ZNF473: variants seen among roughly 807,000 people sequenced by gnomAD.
ZNF473 encodes zinc finger protein 100 homolog.
ZNF473 carries 4 observed loss-of-function variants against 11.1 expected under a neutral mutation model. The ratio of observed to expected loss-of-function variants is 0.36; its 90% confidence interval spans 0.18 to 0.82. The LOEUF (loss-of-function observed/expected upper bound fraction) is 0.82, where lower values mean the gene tolerates loss of function less well. Among genes scored for constraint, ZNF473 ranks in the 40% least tolerant of loss-of-function variants. The pLI, the probability that ZNF473 is intolerant of heterozygous loss-of-function variation, is 0.49. For missense variants in ZNF473, 854 were observed against 1,084.0 expected (o/e 0.79, Z 2.98); for synonymous variants, 404 against 390.4 (o/e 1.03, Z -0.41).
intron 2 of ZNF473, among the ~76,000 whole-genome samples, chr19:50,031,434 G>C (rs1002394406): frequency 1.2e-4 from 18 of 152,162 alleles, no homozygotes; most frequent in African/African-American, 4.3e-4. Flanking sequence ...ACTCCCTTTG[G>C]CCTAGTAGTA....
chr19:50,039,103 C>G lies in ZNF473; in HGVS notation c.10-58C>G. ...GAGGGCTGGGAGTGCCCTGAGTGAG[C>G]TGTTGGGCTCCTCCCTGACCCCAGC... On this transcript the variant is annotated intron_variant, in intron 2 of 4. Transcript: ENST00000270617. This position sits in a 1 kb window ranked among gnomAD's most constrained non-coding sequence, Gnocchi z 4.8. The G allele has an allele frequency of 6.2e-7, 1 of 1,601,908 alleles. No homozygotes were observed. The highest frequency in any genetic ancestry group is 1.7e-5 in the Admixed American group (1 of 59,652).
Position 50,044,737 on chromosome 19 carries a change from T to G in ZNF473, c.294T>G (p.Ile98Met). The G allele has an allele frequency of 6.2e-7, 1 of 1,614,136 alleles. No individual in the cohort carries two copies. Among genetic ancestry groups the G allele is most frequent in the Non-Finnish European group, 8.5e-7 (1 of 1,180,006 alleles). Residue 98 changes from isoleucine to methionine, a missense_variant, in exon 5 of 5, where the codon ATT becomes ATG. Physicochemically the swap from Ile to Met is conservative, Grantham distance 10. This residue lies in a region of ZNF473 where 668 missense variants were observed against 790.2 expected (regional missense o/e 0.85). Transcript: ENST00000270617. Reference protein sequence around the residue: ...DFFEEGFSQEIIEMLSKDGFW... With the variant: ...DFFEEGFSQEMIEMLSKDGFW... The stretch of plus-strand genomic sequence containing the variant: ...TCGAAGAAGGATTCTCCCAGGAGAT[T>G]ATAGAGATGTTATCCAAGGATGGCT...
At chr19:50,040,535 C>T (rs1263894340) in intron 3 of ZNF473, 2 of 152,334 alleles carry the variant, frequency 1.3e-5, no homozygotes, top group Non-Finnish European at 2.9e-5. Context: ...TGCCAGCAGG[C>T]TTTTCCCAGG....
Position 50,046,999 on chromosome 19 carries a change from G to A in ZNF473, c.2556G>A (p.Arg852=), listed in dbSNP as rs545187028. 6.2e-6 allele frequency: 10 copies of A among 1,613,950 alleles called. No homozygotes were observed. In the African/African-American group the frequency reaches 1.1e-4, roughly 17 times the overall value. The change falls in exon 5 of 5, where the codon CGG becomes CGA. Residue 852 remains arginine (R), a synonymous_variant. Transcript: ENST00000270617. This position sits in a 1 kb window ranked among gnomAD's most constrained non-coding sequence, Gnocchi z 5.9. ...GTCAACGTTGCCAGAAAGCCTTTCG[G>A]TGCCACTCGAGCCTCAGCCGCCATC... ...YQCQRCQKAF[R]CHSSLSRHQR...
chr19:50,040,194 A>G (rs1036497702), intron 3 of ZNF473, among the ~76,000 whole-genome samples: 18 of 152,300 alleles, frequency 1.2e-4, no homozygotes, highest in South Asian at 4.1e-4. Flanking sequence ...CAGCAAAGGG[A>G]GGAGGTACAT....
chr19:50,035,491 T>TGTGTGTGTGTGTGTGTGTG (rs1600754167), intron 2 of ZNF473, among the ~76,000 whole-genome samples: 1 of 51,224 alleles, frequency 2.0e-5, no homozygotes, highest in Admixed American at 2.0e-4. Flanking sequence ...GTGTGTGTGT[T>TGTGTGTGTGTGTGTGTGTG]TGGCTGTTCT....
At position 50,045,099 on chromosome 19, in the gene ZNF473, G is replaced by A. The variant is rs1978999815; in HGVS notation, c.656G>A (p.Ser219Asn). Residue 219 changes from serine to asparagine, a missense_variant, in exon 5 of 5, where the codon AGT becomes AAT. By Grantham distance (46) the Ser-to-Asn change is conservative. This residue lies in a region of ZNF473 where 668 missense variants were observed against 790.2 expected (regional missense o/e 0.85). Coordinates refer to ENST00000270617, the MANE Select transcript of ZNF473 (RefSeq NM_015428.4). ...YQCSECGKSF[S>N]GSYRLTQHWI... ...TGTAGTGAATGTGGGAAAAGCTTCA[G>A]TGGGAGTTACCGTCTTACCCAGCAC... is the stretch of plus-strand genomic sequence containing the variant. 1 of 1,614,090 alleles carries A rather than the reference G, an allele frequency of 6.2e-7. No individual in the cohort carries two copies. The highest frequency in any genetic ancestry group is 8.5e-7 in the Non-Finnish European group (1 of 1,180,038).
chr19:50,037,658 C>CAAAAAA lies in ZNF473; in HGVS notation c.10-1494_10-1489dup, dbSNP rs67239809. Among the ~76,000 whole-genome samples, 1,365 of 138,496 alleles carry CAAAAAA rather than the reference C, an allele frequency of 9.9e-3. 23 individuals are homozygous for CAAAAAA. Among genetic ancestry groups the CAAAAAA allele is most frequent in the African/African-American group, 0.035 (1,303 of 37,252 alleles). The allele number at this position is 138,496 out of a possible 152,430, so 90.9% of individuals were successfully genotyped here. A position where few individuals can be genotyped will look rare whatever the true frequency, so the allele number is the denominator to read the frequency against. On this transcript the variant is annotated intron_variant, in intron 2 of 4. Transcript: ENST00000270617. ...CAACATGGCAAGACTCCTACTCTAC[C>CAAAAAA]AAAAAAAAAAAAAATTAGCTGGGTC... is the stretch of plus-strand genomic sequence containing the variant.
At position 50,026,096 on chromosome 19, in the gene ZNF473, G is replaced by C. The variant is rs1331713163; in HGVS notation, c.-218G>C. On this transcript the variant is annotated 5_prime_UTR_variant, in exon 1 of 5. Transcript: ENST00000270617. ...CTCCCTTGAGGCTGGGGTTGCGTCT[G>C]TTGACGCGGCCGACTACAATCCCGA... 2 of 152,728 alleles carry C rather than the reference G, an allele frequency of 1.3e-5. No homozygotes were observed. The highest frequency in any genetic ancestry group is 2.4e-5 in the African/African-American group (1 of 41,476). 9.5% of individuals were successfully genotyped at this position (152,728 alleles called of 1,614,324 possible). A position where few individuals can be genotyped will look rare whatever the true frequency, so the allele number is the denominator to read the frequency against.
intron 4 of ZNF473, chr19:50,043,448 A>AAATATATATATATAT (rs1259545565): frequency 7.4e-5 from 8 of 107,916 alleles, no homozygotes; most frequent in African/African-American, 2.8e-4. Flanking sequence ...AAAAAAAAAA[A>AAATATATATATATAT]ATATATATAT....
rs1440150187 is a variant in ZNF473 at position 50,045,851 on chromosome 19, C to T, written c.1408C>T (p.Arg470Trp). Reference protein sequence around the residue: ...KCQECVRSFSRPSHLMRHQAI... With the variant: ...KCQECVRSFSWPSHLMRHQAI... The stretch of plus-strand genomic sequence containing the variant: ...TCAGGAATGCGTCAGGAGTTTCAGC[C>T]GGCCCTCACATCTGATGCGACATCA... Residue 470 changes from arginine to tryptophan, a missense_variant, in exon 5 of 5, where the codon CGG becomes TGG. This residue lies in a region of ZNF473 where 668 missense variants were observed against 790.2 expected (regional missense o/e 0.85). Transcript: ENST00000270617. 1 of 1,614,018 alleles carries T rather than the reference C, an allele frequency of 6.2e-7. No homozygotes were observed. Among genetic ancestry groups the T allele is most frequent in the Non-Finnish European group, 8.5e-7 (1 of 1,179,966 alleles).
Position 50,044,906 on chromosome 19 carries a change from G to C in ZNF473, c.463G>C (p.Gly155Arg). The C allele has an allele frequency of 1.9e-6, 3 of 1,614,198 alleles. No homozygotes were observed. The highest frequency in any genetic ancestry group is 2.5e-6 in the Non-Finnish European group (3 of 1,180,046). Residue 155 changes from glycine (G) to arginine (R), a missense_variant, in exon 5 of 5, where the codon GGA becomes CGA. Coordinates refer to ENST00000270617, the MANE Select transcript of ZNF473 (RefSeq NM_015428.4). The part of the protein sequence containing the change: ...TECKSHELKR[G>R]LSPVSTVSTG... ...ATGCAAGAGTCATGAATTAAAGAGA[G>C]GACTCAGTCCTGTGTCCACCGTTTC...
intron 4 of ZNF473, among the ~76,000 whole-genome samples, chr19:50,044,154 CA>C (rs1978938534): frequency 6.6e-6 from 1 of 151,878 alleles, no homozygotes; most frequent in Admixed American, 6.6e-5. Context: ...AGCCTGGGGT[CA>C]GATGCTGAGT....
chr19:50,039,275 C>A lies in ZNF473; in HGVS notation c.124C>A (p.Leu42Ile), dbSNP rs764160714. 6.2e-7 allele frequency: 1 copy of A among 1,614,088 alleles called. No individual in the cohort carries two copies. Among genetic ancestry groups the A allele is most frequent in the Non-Finnish European group, 8.5e-7 (1 of 1,179,960 alleles). Residue 42 changes from leucine (L) to isoleucine (I), a missense_variant, in exon 3 of 5, where the codon CTC (leucine) becomes ATC (isoleucine). By Grantham distance (5) the Leu-to-Ile change is conservative (BLOSUM62 2). Transcript: ENST00000270617. The surrounding 1 kb of genome is among the most constrained non-coding windows in gnomAD (Gnocchi z 4.8). ...WDTALDNCQD[L>I]FLLDPPRPNL... ...CACAGCGTTGGACAATTGCCAGGACCTCTTCCTGCTGGGTGAGTGTTGCCT... is the reference window on the plus strand; with the variant it reads ...CACAGCGTTGGACAATTGCCAGGACATCTTCCTGCTGGGTGAGTGTTGCCT...
chr19:50,030,097 C>T (rs973530620), intron 1 of ZNF473, among the ~76,000 whole-genome samples: 4 of 152,080 alleles, frequency 2.6e-5, no homozygotes, highest in African/African-American at 9.7e-5. Context: ...GTAATCTGCC[C>T]ACCTCGGCCT....
chr19:50,031,224 C>G, intron 2 of ZNF473, 133 bp downstream of exon 2: 1 of 1,266,810 alleles, frequency 7.9e-7, no homozygotes, highest in South Asian at 1.3e-5. Flanking sequence ...GCTGGCCTTC[C>G]TTTGTTTTGG....
intron 1 of ZNF473, among the ~76,000 whole-genome samples, chr19:50,027,396 A>T (rs927112200): frequency 2.0e-5 from 3 of 152,176 alleles, no homozygotes; most frequent in African/African-American, 7.2e-5. Flanking sequence ...ACTAAGGCTT[A>T]GAGAAGGTAA....
chr19:50,037,116 T>C (rs528987245), intron 2 of ZNF473, among the ~76,000 whole-genome samples: 1 of 151,854 alleles, frequency 6.6e-6, no homozygotes, highest in African/African-American at 2.4e-5. Flanking sequence ...GCCTGGAGGG[T>C]TGGGATGGGC....
intron 4 of ZNF473, 28 bp downstream of exon 4, chr19:50,041,847 G>A (rs759119568): frequency 1.9e-6 from 3 of 1,574,696 alleles, no homozygotes; most frequent in Non-Finnish European, 2.6e-6. Context: ...GGCCCCTTGT[G>A]TACCTTCTGT....
Sources: gnomAD v4.1 joint callset for allele counts (sites outside exome capture counted in the v4.1 genomes callset) on GRCh38, gnomAD v4.1.1 for gene constraint, gnomAD v4.1.1 regional missense constraint, Gnocchi (gnomAD v3.1) non-coding constraint, MANE v1.5 for transcripts, NCBI Gene and HGNC (gene_info 2026-07-23, HGNC 2026-07-21) for gene names.